RAD23A: variants seen among roughly 807,000 people sequenced by gnomAD.
The protein encoded by RAD23A is RAD23 nucleotide excision repair protein A, also known as lysine-specific demethylase RAD23A.
A neutral mutation model predicts 44.8 loss-of-function variants in RAD23A; 16 were observed. The observed-to-expected ratio is 0.36, with a 90% CI of 0.24 to 0.54. RAD23A has a LOEUF of 0.54. Ranked by LOEUF, RAD23A falls within the 20% of genes least tolerant of loss-of-function variation. RAD23A has a pLI of 0.89. For missense variants in RAD23A, 380 were observed against 483.3 expected, an observed-to-expected ratio of 0.79 and a Z score of 2.00; for synonymous variants, 217 against 202.9, an observed-to-expected ratio of 1.07 and a Z score of -0.59.
chr19:12,953,067 A>G lies in RAD23A; in HGVS notation c.*18A>G. 6.3e-7 allele frequency: 1 copy of G among 1,586,964 alleles called. No homozygotes were observed. Among genetic ancestry groups the G allele is most frequent in the Non-Finnish European group, 8.7e-7 (1 of 1,155,512 alleles). ...ACGAGTGATGCCAGGAAGCCAGGCCACCGAAGCCCCCACCCTACCCTTATT... is the reference window on the plus strand; with the variant it reads ...ACGAGTGATGCCAGGAAGCCAGGCCGCCGAAGCCCCCACCCTACCCTTATT... On this transcript the variant is annotated 3_prime_UTR_variant, in exon 9 of 9. Coordinates refer to ENST00000586534, the MANE Select transcript of RAD23A (RefSeq NM_005053.4).
At chr19:12,950,512 C>G (rs1469800176) in intron 7 of RAD23A, among the ~76,000 whole-genome samples, 1 of 152,034 alleles carries the variant, frequency 6.6e-6, no homozygotes, top group Admixed American at 6.6e-5. Flanking sequence ...TCAAGCGATT[C>G]TTTTGCCCCC....
Position 12,946,369 on chromosome 19 carries a change from C to T in RAD23A, c.72+349C>T, listed in dbSNP as rs1004427165. ...GGCTCCACGTTCCCAGCTTTGCAGG[C>T]GTCTCCTTGGGACACTGGTGGTCGA... On this transcript the variant is annotated intron_variant, in intron 1 of 8. Transcript: ENST00000586534. Among the ~76,000 whole-genome samples the T allele has an allele frequency of 1.2e-4, 18 of 152,342 alleles. 1 individual carries two copies. Among genetic ancestry groups the T allele is most frequent in the Middle Eastern group, 3.4e-3 (1 of 292 alleles).
Position 12,953,076 on chromosome 19 carries a change from C to G in RAD23A, c.*27C>G. On this transcript the variant is annotated 3_prime_UTR_variant, in exon 9 of 9. Coordinates refer to ENST00000586534, the MANE Select transcript of RAD23A (RefSeq NM_005053.4). Reference sequence around the variant, plus strand: ...GCCAGGAAGCCAGGCCACCGAAGCCCCCACCCTACCCTTATTCCATGAAAG... The same window carrying G: ...GCCAGGAAGCCAGGCCACCGAAGCCGCCACCCTACCCTTATTCCATGAAAG... The G allele has an allele frequency of 6.6e-7, 1 of 1,507,792 alleles. No homozygotes were observed. Among genetic ancestry groups the G allele is most frequent in the Non-Finnish European group, 9.2e-7 (1 of 1,086,686 alleles). 93.4% of individuals were successfully genotyped at this position (1,507,792 alleles called of 1,614,324 possible). A position where few individuals can be genotyped will look rare whatever the true frequency, so the allele number is the denominator to read the frequency against.
chr19:12,952,788 G>A lies in RAD23A; in HGVS notation c.913G>A (p.Gly305Arg). 1 of 1,609,106 alleles carries A rather than the reference G, an allele frequency of 6.2e-7. No individual in the cohort carries two copies. Among genetic ancestry groups the A allele is most frequent in the Non-Finnish European group, 8.5e-7 (1 of 1,177,930 alleles). ...SDVEGEVGAI[G>R]EEAPQMNYIQ... is the part of the protein sequence containing the mutation. ...TGTGGAGGGGGAGGTGGGCGCCATA[G>A]GAGAGGAGGCCCCGCAGATGAACTA... The change falls in exon 8 of 9, where the codon GGA (glycine) becomes AGA (arginine). Residue 305 changes from glycine (G) to arginine (R), a missense_variant. By Grantham distance (125) the Gly-to-Arg change is moderately radical (BLOSUM62 -2). Coordinates refer to ENST00000586534, the MANE Select transcript of RAD23A (RefSeq NM_005053.4).
At chr19:12,950,194 C>T (rs1250947725) in intron 7 of RAD23A, among the ~76,000 whole-genome samples, 1 of 152,116 alleles carries the variant, frequency 6.6e-6, no homozygotes, top group African/African-American at 2.4e-5. Flanking sequence ...CAGACCTCCC[C>T]AGTCCTCCCC....
chr19:12,947,558 TTC>T (rs1485072842), intron 1 of RAD23A, among the ~76,000 whole-genome samples: 1 of 152,362 alleles, frequency 6.6e-6, no homozygotes, highest in South Asian at 2.1e-4. Flanking sequence ...CACATTAGTG[TTC>T]TCTCATTGAG....
Position 12,952,984 on chromosome 19 carries a change from G to A in RAD23A, c.1027G>A (p.Ala343Thr), listed in dbSNP as rs762963923. 7.4e-6 allele frequency: 12 copies of A among 1,613,800 alleles called. No homozygotes were observed. Among genetic ancestry groups the A allele is most frequent in the African/African-American group, 2.7e-5 (2 of 74,804 alleles). The change falls in exon 9 of 9, where the codon GCG becomes ACG. Residue 343 changes from alanine (A) to threonine (T), a missense_variant. By Grantham distance (58) the Ala-to-Thr change is moderately conservative. Coordinates refer to ENST00000586534, the MANE Select transcript of RAD23A (RefSeq NM_005053.4). Reference protein sequence around the residue: ...PESLVIQAYFACEKNENLAAN... With the variant: ...PESLVIQAYFTCEKNENLAAN... The stretch of plus-strand genomic sequence containing the variant: ...GAGCCTGGTCATCCAGGCCTATTTC[G>A]CGTGTGAAAAAAATGAGAACTTGGC...
At position 12,948,973 on chromosome 19, in the gene RAD23A, G is replaced by T; in HGVS notation, c.601-108G>T. 3 of 1,517,902 alleles carry T rather than the reference G, an allele frequency of 2.0e-6. No homozygotes were observed. The highest frequency in any genetic ancestry group is 2.7e-6 in the Non-Finnish European group (3 of 1,110,022). The allele number at this position is 1,517,902 out of a possible 1,614,324, so 94.0% of individuals were successfully genotyped here. A position where few individuals can be genotyped will look rare whatever the true frequency, so the allele number is the denominator to read the frequency against. Reference sequence around the variant, plus strand: ...ACAGGAGGCTGGATGTGAGTGATGGGTGGGCCTCTGGAGGGCAGGGCCGAG... The same window carrying T: ...ACAGGAGGCTGGATGTGAGTGATGGTTGGGCCTCTGGAGGGCAGGGCCGAG... On this transcript the variant is annotated intron_variant, in intron 5 of 8. Coordinates refer to ENST00000586534, the MANE Select transcript of RAD23A (RefSeq NM_005053.4). This position sits in a 1 kb window ranked among gnomAD's most constrained non-coding sequence, Gnocchi z 5.5.
At chr19:12,952,132 A>G (rs45561231) in intron 7 of RAD23A, among the ~76,000 whole-genome samples, 1,598 of 152,292 alleles carry the variant, frequency 0.01, 15 homozygotes, top group Non-Finnish European at 0.014. Flanking sequence ...CATATTGGCC[A>G]GGCTGGTCTC....
intron 7 of RAD23A, among the ~76,000 whole-genome samples, chr19:12,950,489 C>A (rs1971780367): frequency 6.6e-6 from 1 of 152,114 alleles, no homozygotes; most frequent in South Asian, 2.1e-4. Context: ...ACTGCAACCT[C>A]CGCCTCCCGG....
At position 12,947,948 on chromosome 19, in the gene RAD23A, A is replaced by G. The variant is rs1971708570; in HGVS notation, c.173A>G (p.Asp58Gly). ...TATGCCGGCAAGATCTTGAGTGACG[A>G]TGTCCCTATCAGGGACTATCGCATC... ...LIYAGKILSD[D>G]VPIRDYRIDE... is the part of the protein sequence containing the mutation. Residue 58 changes from aspartate (D) to glycine (G), a missense_variant, in exon 2 of 9, where the codon GAT (aspartate) becomes GGT (glycine). By Grantham distance (94) the Asp-to-Gly change is moderately conservative. Transcript: ENST00000586534. 3 of 1,613,994 alleles carry G rather than the reference A, an allele frequency of 1.9e-6. No homozygotes were observed. The highest frequency in any genetic ancestry group is 2.5e-6 in the Non-Finnish European group (3 of 1,179,996).
At chr19:12,946,220 C>T (rs1403289505) in intron 1 of RAD23A, among the ~76,000 whole-genome samples, 200 bp downstream of exon 1, 2 of 152,220 alleles carry the variant, frequency 1.3e-5, no homozygotes, top group Non-Finnish European at 2.9e-5. Flanking sequence ...CGCTCCTGCG[C>T]CGGTCTCCGG....
At chr19:12,951,129 C>G (rs1355641176) in intron 7 of RAD23A, among the ~76,000 whole-genome samples, 2 of 152,150 alleles carry the variant, frequency 1.3e-5, no homozygotes, top group Non-Finnish European at 2.9e-5. Flanking sequence ...CAGATGAGTT[C>G]ACTTTTTTTG....
chr19:12,951,939 CACTT>C (rs564180211), intron 7 of RAD23A, among the ~76,000 whole-genome samples: 23 of 151,628 alleles, frequency 1.5e-4, no homozygotes, highest in Admixed American at 1.2e-3. Context: ...TTGGCTCACT[CACTT>C]ATTTTTTGAG....
At chr19:12,951,606 CCTG>C (rs1403291361) in intron 7 of RAD23A, among the ~76,000 whole-genome samples, 1 of 152,082 alleles carries the variant, frequency 6.6e-6, no homozygotes, top group Non-Finnish European at 1.5e-5. Flanking sequence ...GCCACCACGC[CCTG>C]CTAATTTTAT....
intron 7 of RAD23A, chr19:12,949,638 C>T (rs1235733325): frequency 1.2e-5 from 7 of 572,636 alleles, no homozygotes; most frequent in Non-Finnish European, 3.1e-6. Context: ...CAGAAGAAGA[C>T]ACCGGAAACT....
chr19:12,951,385 T>C lies in RAD23A; in HGVS notation c.814-1304T>C, dbSNP rs144898376. Among the ~76,000 whole-genome samples the C allele has an allele frequency of 1.9e-4, 29 of 152,328 alleles. No homozygotes were observed. In the East Asian group the frequency reaches 4.6e-3, roughly 24 times the overall value. ...TGGGTCTGACTTGGGCCTTCCTCTC[T>C]GGTGTCATTGTCTGCCTCCTCCCCC... On this transcript the variant is annotated intron_variant, in intron 7 of 8. Coordinates refer to ENST00000586534, the MANE Select transcript of RAD23A (RefSeq NM_005053.4).
At position 12,948,128 on chromosome 19, in the gene RAD23A, G is replaced by A. The variant is rs1283224942; in HGVS notation, c.235-49G>A. Reference sequence around the variant, plus strand: ...CGGGGCCACAGCGGAGCGGGTTGTTGGGTCTGATAGGGTTGCTGATGCCAG... The same window carrying A: ...CGGGGCCACAGCGGAGCGGGTTGTTAGGTCTGATAGGGTTGCTGATGCCAG... On this transcript the variant is annotated intron_variant, in intron 2 of 8. Coordinates refer to ENST00000586534, the MANE Select transcript of RAD23A (RefSeq NM_005053.4). This position sits in a 1 kb window ranked among gnomAD's most constrained non-coding sequence, Gnocchi z 5.5. 1 of 1,611,640 alleles carries A rather than the reference G, an allele frequency of 6.2e-7. No homozygotes were observed. The highest frequency in any genetic ancestry group is 1.3e-5 in the African/African-American group (1 of 74,826).
Position 12,948,260 on chromosome 19 carries a change from C to T in RAD23A, c.318C>T (p.Ala106=). The change falls in exon 3 of 9, where the codon GCC becomes GCT. Residue 106 remains alanine, a synonymous_variant. Transcript: ENST00000586534. The surrounding 1 kb of genome is among the most constrained non-coding windows in gnomAD (Gnocchi z 5.5). ...APESSTSFPP[A]PTSGMSHPPP... ...AGTCCTCTACATCCTTCCCGCCTGC[C>T]CCCACCTCAGGCATGTCCCATCCCC... is the stretch of plus-strand genomic sequence containing the variant. The T allele has an allele frequency of 1.2e-6, 2 of 1,613,714 alleles. No individual in the cohort carries two copies. The highest frequency in any genetic ancestry group is 1.7e-6 in the Non-Finnish European group (2 of 1,179,708).
Sources: allele counts gnomAD v4.1 joint callset (sites outside exome capture counted in the v4.1 genomes callset), GRCh38; gene constraint gnomAD v4.1.1; non-coding constraint Gnocchi (gnomAD v3.1); transcripts MANE v1.5; gene names NCBI Gene and HGNC (gene_info 2026-07-23, HGNC 2026-07-21).